The following PHF2 variants were observed in gnomAD, a reference collection of about 807,000 sequenced individuals.
PHF2 encodes the protein PHD finger protein 2, also known as lysine-specific demethylase PHF2.
PHF2 carries 27 observed loss-of-function variants against 120.5 expected under a neutral mutation model. The ratio of observed to expected loss-of-function variants is 0.22; its 90% CI spans 0.17 to 0.31. The LOEUF is 0.31. Among genes scored for constraint, PHF2 ranks in the 10% least tolerant of loss-of-function variants. The probability of loss-of-function intolerance (pLI) is 1.00; values close to 1 mark genes in which losing one functional copy is unlikely to be tolerated. For synonymous variants in PHF2, 568 were observed against 592.5 expected, an observed-to-expected ratio of 0.96 and a Z score of 0.60; for missense variants, 1,024 against 1,434.8, an observed-to-expected ratio of 0.71 and a Z score of 4.63.
At chr9:93,578,244 C>A (rs898332297) in intron 1 of PHF2, among the ~76,000 whole-genome samples, 1 of 152,218 alleles carries the variant, frequency 6.6e-6, no homozygotes, top group Admixed American at 6.5e-5. Flanking sequence ...GGTGGGGATG[C>A]CCACGGAAAT....
In PHF2 at chr9:93,660,254, C is replaced by G; in HGVS notation, c.1392C>G (p.Asp464Glu). ...NTVASSDEVC[D>E]GDREKEEPPS... ...TCGCCTCGTCAGATGAGGTGTGTGACGGGGACCGGGAGAAGGAGGAGCCCC... is the reference window on the plus strand; with the variant it reads ...TCGCCTCGTCAGATGAGGTGTGTGAGGGGGACCGGGAGAAGGAGGAGCCCC... The change falls in exon 12 of 22, where the codon GAC becomes GAG. Residue 464 changes from aspartate to glutamate, a missense_variant. Around this residue, in one of 2 missense-constraint regions of PHF2, gnomAD observed 677 missense variants for 857.4 expected, o/e 0.79. Transcript: ENST00000359246. 1 of 1,606,964 alleles carries G rather than the reference C, an allele frequency of 6.2e-7. No individual in the cohort carries two copies. Among genetic ancestry groups the G allele is most frequent in the Non-Finnish European group, 8.5e-7 (1 of 1,177,730 alleles).
At position 93,655,979 on chromosome 9, in the gene PHF2, C is replaced by T. The variant is rs768589721; in HGVS notation, c.998C>T (p.Ala333Val). 13 of 1,612,828 alleles carry T rather than the reference C, an allele frequency of 8.1e-6. No individual in the cohort carries two copies. The highest frequency in any genetic ancestry group is 4.0e-5 in the African/African-American group (3 of 74,926). Reference protein sequence around the residue: ...TLTPVDCLAFAGHFLHSLSVE... With the variant: ...TLTPVDCLAFVGHFLHSLSVE... ...ACCCCTGTGGACTGCCTGGCCTTCG[C>T]GGGACATTTCCTCCACAGCCTGAGT... The change falls in exon 8 of 22, where the codon GCG becomes GTG. Residue 333 changes from alanine to valine, a missense_variant. Ala to Val is a moderately conservative substitution (Grantham distance 64). Around this residue, in one of 2 missense-constraint regions of PHF2, gnomAD observed 347 missense variants for 577.4 expected, o/e 0.60. Coordinates refer to ENST00000359246, the MANE Select transcript of PHF2 (RefSeq NM_005392.4).
chr9:93,576,696 GCGGCCCGGCCCC>G lies in PHF2; in HGVS notation c.-66_-55del, dbSNP rs993703572. ...GCCCCGCCGCCCCCGCCGCCCCCGC[GCGGCCCGGCCCC>G]CGGCCCGGCCCGGACCGACCCGGGC... On this transcript the variant is annotated 5_prime_UTR_variant, in exon 1 of 22. Transcript: ENST00000359246. 4 of 425,466 alleles carry G rather than the reference GCGGCCCGGCCCC, an allele frequency of 9.4e-6. No individual in the cohort carries two copies. Among genetic ancestry groups the G allele is most frequent in the African/African-American group, 2.2e-5 (1 of 45,102 alleles). 26.4% of individuals were successfully genotyped at this position (425,466 alleles called of 1,614,324 possible).
At chr9:93,634,469 G>A (rs1178331018) in intron 2 of PHF2, among the ~76,000 whole-genome samples, 1 of 152,168 alleles carries the variant, frequency 6.6e-6, no homozygotes, top group Non-Finnish European at 1.5e-5. Flanking sequence ...TATCGCTTGG[G>A]TAACACCTGC....
chr9:93,617,962 A>T (rs1016990470), intron 1 of PHF2, among the ~76,000 whole-genome samples: 1 of 152,240 alleles, frequency 6.6e-6, no homozygotes, highest in African/African-American at 2.4e-5. Context: ...TCCTTTGGCA[A>T]CATCCTCACA....
chr9:93,614,139 G>T (rs1825683632), intron 1 of PHF2, among the ~76,000 whole-genome samples: 1 of 152,238 alleles, frequency 6.6e-6, no homozygotes, highest in Admixed American at 6.5e-5. Context: ...CCTCCCTCTA[G>T]AGTGAGTGAC....
intron 14 of PHF2, among the ~76,000 whole-genome samples, chr9:93,665,123 ACT>A (rs1182766772): frequency 6.6e-6 from 1 of 152,182 alleles, no homozygotes; most frequent in East Asian, 1.9e-4. Flanking sequence ...CAAATTACAC[ACT>A]GTTTCTTAGA....
At chr9:93,665,955 G>C (rs370710249) in intron 15 of PHF2, 35 bp from the exon 16 acceptor site, 2 of 1,612,526 alleles carry the variant, frequency 1.2e-6, no homozygotes, top group East Asian at 2.2e-5. Context: ...TCCCCGCAAG[G>C]CCTCCCGCTG....
intron 1 of PHF2, 70 bp downstream of exon 1, chr9:93,576,941 CCCCGGCTGCGCGCCCGCAGG>C (rs1862829843): frequency 1.5e-6 from 1 of 666,936 alleles, no homozygotes; most frequent in African/African-American, 2.0e-5. Context: ...AGCCCCGCGC[CCCCGGCTGCGCGCCCGCAGG>C]CCCGGCTCGG....
At chr9:93,652,289 A>ATTT (rs1826381610) in intron 5 of PHF2, among the ~76,000 whole-genome samples, 2 of 97,566 alleles carry the variant, frequency 2.0e-5, no homozygotes, top group African/African-American at 9.5e-5. Flanking sequence ...GTTGAGCTTG[A>ATTT]CTTTTTTTTT....
chr9:93,613,276 A>G (rs1343839436), intron 1 of PHF2, among the ~76,000 whole-genome samples: 2 of 152,022 alleles, frequency 1.3e-5, no homozygotes, highest in East Asian at 3.9e-4. Flanking sequence ...CTCAGCATAG[A>G]CTCTGTGGCC....
At chr9:93,640,983 G>T (rs1188730243) in intron 3 of PHF2, among the ~76,000 whole-genome samples, 1 of 152,166 alleles carries the variant, frequency 6.6e-6, no homozygotes, top group Non-Finnish European at 1.5e-5. Context: ...AACAGAGTCT[G>T]TGTCTGCAGC....
chr9:93,672,231 T>C (rs1826811597), intron 17 of PHF2, among the ~76,000 whole-genome samples: 1 of 145,838 alleles, frequency 6.9e-6, no homozygotes, highest in South Asian at 2.2e-4. Context: ...GATGCAGGTG[T>C]GGGTGTGGAT....
intron 1 of PHF2, among the ~76,000 whole-genome samples, chr9:93,619,871 G>C (rs1458493652): frequency 5.3e-5 from 8 of 151,848 alleles, no homozygotes; most frequent in Non-Finnish European, 1.2e-4. Context: ...GTCCTGGGGT[G>C]ACATTTGTGC....
intron 1 of PHF2, among the ~76,000 whole-genome samples, chr9:93,616,479 A>T (rs1825731114): frequency 6.6e-6 from 1 of 152,156 alleles, no homozygotes. Flanking sequence ...TGCCAGAGGG[A>T]CATTTCTAGC....
At chr9:93,660,792 C>T (rs932951618) in intron 12 of PHF2, among the ~76,000 whole-genome samples, 3 of 152,202 alleles carry the variant, frequency 2.0e-5, no homozygotes, top group African/African-American at 7.2e-5. Flanking sequence ...CCAGAGTGGA[C>T]AGGCTTTGCC....
chr9:93,654,032 C>A (rs958349178), intron 6 of PHF2, among the ~76,000 whole-genome samples: 1 of 152,172 alleles, frequency 6.6e-6, no homozygotes, highest in Non-Finnish European at 1.5e-5. Flanking sequence ...CTCCTGGGGC[C>A]TGCCATAAGA....
intron 1 of PHF2, among the ~76,000 whole-genome samples, chr9:93,604,503 C>G (rs1396507371): frequency 6.7e-6 from 1 of 150,090 alleles, no homozygotes; most frequent in Non-Finnish European, 1.5e-5. Flanking sequence ...CTCGCTCTGT[C>G]GCCCAGGCTG....
In PHF2 at chr9:93,675,012, C is replaced by T. The variant is rs779060470; in HGVS notation, c.2712C>T (p.Tyr904=). 1.9e-6 allele frequency: 3 copies of T among 1,613,384 alleles called. No individual in the cohort carries two copies. The highest frequency in any genetic ancestry group is 1.3e-5 in the African/African-American group (1 of 75,050). ...KKRKGSDDAP[Y]SPTARVGPSV... The stretch of plus-strand genomic sequence containing the variant: ...GGAAAGGCTCAGACGACGCTCCCTA[C>T]AGCCCAACAGGTAGTGCTGGGACAG... The change falls in exon 19 of 22, where the codon TAC becomes TAT. Residue 904 remains tyrosine, a synonymous_variant. Coordinates refer to ENST00000359246, the MANE Select transcript of PHF2 (RefSeq NM_005392.4).
Sources: allele counts gnomAD v4.1 joint callset (sites outside exome capture counted in the v4.1 genomes callset), GRCh38; gene constraint gnomAD v4.1.1; regional missense constraint gnomAD v4.1.1; transcripts MANE v1.5; gene names NCBI Gene and HGNC (gene_info 2026-07-23, HGNC 2026-07-21).